The following MYH11 variants were observed in gnomAD, a reference collection of about 807,000 sequenced individuals.
MYH11 encodes myosin-11.
MYH11 carries 80 observed loss-of-function variants against 246.6 expected under a neutral mutation model. That is an observed-to-expected ratio of 0.32 (90% CI 0.27 to 0.39). The LOEUF (loss-of-function observed/expected upper bound fraction) is 0.39, where lower values mean the gene tolerates loss of function less well. Ranked by LOEUF, MYH11 falls within the 10% of genes least tolerant of loss-of-function variation. The probability of loss-of-function intolerance (pLI) is 1.00; values close to 1 mark genes in which losing one functional copy is unlikely to be tolerated. For synonymous variants in MYH11, 1,071 were observed against 1,015.5 expected, an observed-to-expected ratio of 1.05 and a Z score of -1.04; for missense variants, 2,158 against 2,546.8, an observed-to-expected ratio of 0.85 and a Z score of 3.29.
chr16:15,796,337 G>T (rs139000126), intron 4 of MYH11, among the ~76,000 whole-genome samples: 1 of 152,268 alleles, frequency 6.6e-6, no homozygotes, highest in Non-Finnish European at 1.5e-5. Context: ...GATGGCATGG[G>T]TGCTGGAAAT....
At chr16:15,709,471 T>C (rs915507088) in intron 40 of MYH11, among the ~76,000 whole-genome samples, 59 of 152,226 alleles carry the variant, frequency 3.9e-4, no homozygotes, top group African/African-American at 1.3e-3. Flanking sequence ...TGCACCACCG[T>C]GGCTGGCTAA....
At position 15,767,621 on chromosome 16, in the gene MYH11, C is replaced by T. The variant is rs550616433; in HGVS notation, c.1034-3730G>A. 3.3e-5 allele frequency among the ~76,000 whole-genome samples: 5 copies of T among 152,182 alleles called. No homozygotes were observed. In the South Asian group the frequency reaches 8.3e-4, roughly 25 times the overall value. On this transcript the variant is annotated intron_variant, in intron 9 of 40. Coordinates refer to ENST00000300036, the MANE Select transcript of MYH11 (RefSeq NM_002474.3). ...ACAGGCGTGAACCACCGCGCCCAGC[C>T]TGAACGTGGCCTATTTTGGAAAAAA... is the stretch of plus-strand genomic sequence containing the variant.
At chr16:15,831,454 TTA>T (rs1210466099) in intron 2 of MYH11, among the ~76,000 whole-genome samples, 1 of 134,270 alleles carries the variant, frequency 7.4e-6, no homozygotes, top group Non-Finnish European at 1.6e-5. Context: ...TGACTTTTTC[TTA>T]TGTTTGGGGT....
chr16:15,782,765 C>T, intron 5 of MYH11: 1 of 436,728 alleles, frequency 2.3e-6, no homozygotes, highest in Admixed American at 3.5e-5. Flanking sequence ...AAGCCACTGC[C>T]TTGCACAATG....
chr16:15,712,465 T>C (rs1270187753), intron 40 of MYH11, among the ~76,000 whole-genome samples: 1 of 151,926 alleles, frequency 6.6e-6, no homozygotes. Context: ...CTGGGCAACA[T>C]GGTGCAACCC....
chr16:15,761,523 G>A (rs1567737864), intron 10 of MYH11, among the ~76,000 whole-genome samples: 1 of 152,102 alleles, frequency 6.6e-6, no homozygotes, highest in Non-Finnish European at 1.5e-5. Context: ...ATGTGTTGCA[G>A]CATTGTTTGC....
At chr16:15,758,137 G>C in intron 12 of MYH11, 137 bp from the exon 13 acceptor site, 1 of 1,312,446 alleles carries the variant, frequency 7.6e-7, no homozygotes, top group African/African-American at 1.4e-5. Flanking sequence ...ACCCAGACAG[G>C]GCTGAGGCCC....
intron 40 of MYH11, chr16:15,714,516 A>G (rs1474668784): frequency 2.9e-6 from 1 of 341,210 alleles, no homozygotes; most frequent in Non-Finnish European, 5.6e-6. Context: ...GGGAGAAAGG[A>G]GGAGCAGAGC....
intron 36 of MYH11, 182 bp downstream of exon 36, chr16:15,719,038 G>C: frequency 1.5e-6 from 1 of 661,128 alleles, no homozygotes; most frequent in South Asian, 1.6e-5. Context: ...TGAGGCAGGA[G>C]AATTGCTTGA....
At chr16:15,718,086 GC>G (rs904404072) in intron 37 of MYH11, 1 of 658,702 alleles carries the variant, frequency 1.5e-6, no homozygotes, top group African/African-American at 1.8e-5. Context: ...AGCCAGCCAC[GC>G]CGTGGCTGGA....
At chr16:15,839,431 G>A (rs28536183) in intron 1 of MYH11, among the ~76,000 whole-genome samples, 6,077 of 150,856 alleles carry the variant, frequency 0.04, 411 homozygotes, top group African/African-American at 0.14. Context: ...GGTGGCTCAC[G>A]CCTGTAATCT....
intron 10 of MYH11, among the ~76,000 whole-genome samples, chr16:15,761,176 T>C (rs1021518971): frequency 1.3e-5 from 2 of 151,510 alleles, no homozygotes; most frequent in African/African-American, 4.9e-5. Context: ...AGTGGCGCGA[T>C]CTCAGCTCAC....
chr16:15,753,361 G>A, intron 15 of MYH11, 33 bp downstream of exon 15: 4 of 1,587,576 alleles, frequency 2.5e-6, no homozygotes, highest in Non-Finnish European at 3.5e-6. Context: ...CCAGCTCAAA[G>A]CAGAACATGG....
At chr16:15,786,900 G>A (rs945444700) in intron 4 of MYH11, among the ~76,000 whole-genome samples, 168 bp from the exon 5 acceptor site, 3 of 152,144 alleles carry the variant, frequency 2.0e-5, no homozygotes, top group African/African-American at 7.2e-5. Context: ...GGTAGTGAGC[G>A]GAACTGGGTC....
rs114749568 is a variant in MYH11 at position 15,845,406 on chromosome 16, T to C, written c.-17-7137A>G. 9.6e-3 allele frequency among the ~76,000 whole-genome samples: 1,121 copies of C among 116,896 alleles called. 14 individuals carry two copies. The highest frequency in any genetic ancestry group is 0.035 in the African/African-American group (1,070 of 30,830). The allele number at this position is 116,896 out of a possible 152,430, so 76.7% of individuals were successfully genotyped here. A position where few individuals can be genotyped will look rare whatever the true frequency, so the allele number is the denominator to read the frequency against. On this transcript the variant is annotated intron_variant, in intron 1 of 40. Coordinates refer to ENST00000300036, the MANE Select transcript of MYH11 (RefSeq NM_002474.3). ...GGGGTGGCCCAGGGAAGCCAAAAGATAGGACACCCCTGATCTACACCAAGT... is the reference window on the plus strand; with the variant it reads ...GGGGTGGCCCAGGGAAGCCAAAAGACAGGACACCCCTGATCTACACCAAGT...
chr16:15,854,659 G>A (rs1237414818), intron 1 of MYH11, among the ~76,000 whole-genome samples: 3 of 152,210 alleles, frequency 2.0e-5, no homozygotes, highest in Non-Finnish European at 4.4e-5. Flanking sequence ...AGGTGCGGGA[G>A]ATGATTTTTA....
intron 3 of MYH11, among the ~76,000 whole-genome samples, chr16:15,818,555 C>A (rs2043320032): frequency 6.6e-6 from 1 of 151,878 alleles, no homozygotes; most frequent in Admixed American, 6.6e-5. Flanking sequence ...GCCTCAGCAC[C>A]CCCTGAGTAG....
intron 3 of MYH11, among the ~76,000 whole-genome samples, chr16:15,813,740 C>T (rs528780444): frequency 1.3e-5 from 2 of 152,138 alleles, no homozygotes; most frequent in East Asian, 3.9e-4. Context: ...TGCCTGGAAT[C>T]CCAGCTCTTA....
intron 3 of MYH11, among the ~76,000 whole-genome samples, chr16:15,809,195 A>G (rs1249285294): frequency 1.3e-5 from 2 of 152,206 alleles, no homozygotes; most frequent in Non-Finnish European, 2.9e-5. Flanking sequence ...GTATTTACAC[A>G]TACGCACAGT....
Sources: gnomAD v4.1 joint callset for allele counts (sites outside exome capture counted in the v4.1 genomes callset) on GRCh38, gnomAD v4.1.1 for gene constraint, MANE v1.5 for transcripts, NCBI Gene and HGNC (gene_info 2026-07-23, HGNC 2026-07-21) for gene names.